The following BAALC variants were observed in gnomAD, a reference collection of about 807,000 sequenced individuals.
BAALC encodes brain and acute leukemia cytoplasmic protein.
In BAALC, 9 loss-of-function variants were observed where a neutral mutation model predicts 15.5. The observed-to-expected ratio is 0.58, with a 90% CI of 0.35 to 1.02. The LOEUF (loss-of-function observed/expected upper bound fraction) is 1.02, where lower values mean the gene tolerates loss of function less well. Among genes scored for constraint, BAALC ranks in the 50% least tolerant of loss-of-function variants. BAALC has a pLI of 0.02. For synonymous variants in BAALC, 80 were observed against 74.6 expected (o/e 1.07, Z -0.37); for missense variants, 201 against 192.4 (o/e 1.04, Z -0.27).
chr8:103,223,987 G>A lies in BAALC; in HGVS notation c.328-4002G>A, dbSNP rs915059950. 4.6e-5 allele frequency among the ~76,000 whole-genome samples: 7 copies of A among 152,126 alleles called. No individual in the cohort carries two copies. In the East Asian group the frequency reaches 5.8e-4, roughly 13 times the overall value. ...TCCTCAAAGCTATTTAGTGACACCC[G>A]GAATGGAAGTCAGATGGAATTGGTC... On this transcript the variant is annotated intron_variant, in intron 2 of 2. Transcript: ENST00000309982.
intron 1 of BAALC, among the ~76,000 whole-genome samples, chr8:103,206,198 T>G (rs1271534819): frequency 6.6e-6 from 1 of 152,142 alleles, no homozygotes; most frequent in Admixed American, 6.5e-5. Flanking sequence ...TCCCAGATTA[T>G]TTTAATAAAT....
intron 1 of BAALC, among the ~76,000 whole-genome samples, chr8:103,206,026 CAGTT>C (rs1411015055): frequency 3.3e-5 from 5 of 152,122 alleles, no homozygotes; most frequent in African/African-American, 1.2e-4. Context: ...TGAAGACACC[CAGTT>C]AAACTTTTAT....
At chr8:103,217,043 C>T (rs1455388012) in intron 2 of BAALC, among the ~76,000 whole-genome samples, 1 of 152,200 alleles carries the variant, frequency 6.6e-6, no homozygotes, top group South Asian at 2.1e-4. Flanking sequence ...GCAGTGGAAA[C>T]TGTCACAGAG....
intron 1 of BAALC, among the ~76,000 whole-genome samples, chr8:103,161,280 C>CT (rs34176566): frequency 0.25 from 37,483 of 149,232 alleles, 4,860 homozygotes; most frequent in Middle Eastern, 0.39. Flanking sequence ...TTTGGTTTAT[C>CT]TTTTTTTTTT....
At chr8:103,155,625 C>G (rs1811074742) in intron 1 of BAALC, among the ~76,000 whole-genome samples, 1 of 152,250 alleles carries the variant, frequency 6.6e-6, no homozygotes, top group African/African-American at 2.4e-5. Context: ...ACTCTCCTAG[C>G]AGCTGGAGAA....
At chr8:103,167,343 G>C (rs974770640) in intron 1 of BAALC, among the ~76,000 whole-genome samples, 2 of 152,182 alleles carry the variant, frequency 1.3e-5, no homozygotes, top group Admixed American at 1.3e-4. Flanking sequence ...GTCTAGAGCA[G>C]CGCTGTCCAG....
chr8:103,186,293 C>A (rs1028817412), intron 1 of BAALC, among the ~76,000 whole-genome samples: 1 of 152,116 alleles, frequency 6.6e-6, no homozygotes, highest in Non-Finnish European at 1.5e-5. Context: ...AATCATCCTG[C>A]GAGGAGGCAA....
intron 1 of BAALC, among the ~76,000 whole-genome samples, chr8:103,189,413 A>G (rs990945277): frequency 1.3e-5 from 2 of 152,272 alleles, no homozygotes; most frequent in Admixed American, 6.5e-5. Flanking sequence ...CTGAAATACT[A>G]AAACTCCCTT....
chr8:103,206,452 G>A (rs887172891), intron 1 of BAALC, among the ~76,000 whole-genome samples: 1 of 152,136 alleles, frequency 6.6e-6, no homozygotes, highest in Non-Finnish European at 1.5e-5. Flanking sequence ...CAACCTGCAA[G>A]GAGGAAGGAG....
chr8:103,202,350 A>T (rs911506896), intron 1 of BAALC, among the ~76,000 whole-genome samples: 1 of 152,212 alleles, frequency 6.6e-6, no homozygotes, highest in African/African-American at 2.4e-5. Context: ...ACACAGACAC[A>T]CTCAGAGGGA....
chr8:103,180,749 A>G (rs1811708189), intron 1 of BAALC, among the ~76,000 whole-genome samples: 1 of 152,204 alleles, frequency 6.6e-6, no homozygotes, highest in African/African-American at 2.4e-5. Flanking sequence ...CTTTCAGGCA[A>G]GGAGGAGAAC....
At chr8:103,208,565 TG>T (rs1812380301) in intron 1 of BAALC, 1 of 152,256 alleles carries the variant, frequency 6.6e-6, no homozygotes, top group Non-Finnish European at 1.5e-5. Context: ...CGGGGCCTGC[TG>T]GGCTCACAAG....
chr8:103,201,284 G>A (rs1812209896), intron 1 of BAALC, among the ~76,000 whole-genome samples: 1 of 152,146 alleles, frequency 6.6e-6, no homozygotes, highest in Non-Finnish European at 1.5e-5. Flanking sequence ...CCACCAGAGG[G>A]GCATTATGAT....
At chr8:103,216,642 A>G (rs1456824165) in intron 2 of BAALC, among the ~76,000 whole-genome samples, 2 of 152,000 alleles carry the variant, frequency 1.3e-5, no homozygotes, top group African/African-American at 4.8e-5. Flanking sequence ...TGCCCAGCCA[A>G]TTTGTTAATT....
chr8:103,176,475 AAAAG>A (rs1479108568), intron 1 of BAALC, among the ~76,000 whole-genome samples: 1 of 152,144 alleles, frequency 6.6e-6, no homozygotes, highest in Non-Finnish European at 1.5e-5. Flanking sequence ...TAAGAAAAAA[AAAAG>A]AGAGAGGAGA....
At chr8:103,157,016 A>T (rs913328606) in intron 1 of BAALC, 1 of 152,220 alleles carries the variant, frequency 6.6e-6, no homozygotes, top group African/African-American at 2.4e-5. Context: ...TCAAACGCTG[A>T]CTCTTCTTGG....
chr8:103,164,340 A>G (rs6468864), intron 1 of BAALC, among the ~76,000 whole-genome samples: 119,684 of 152,074 alleles, frequency 0.79, 47,370 homozygotes, highest in East Asian at 0.87. Context: ...GTGAGTGATG[A>G]GCAGGAGTTT....
intron 1 of BAALC, among the ~76,000 whole-genome samples, chr8:103,167,275 C>T (rs1811369509): frequency 6.6e-6 from 1 of 152,122 alleles, no homozygotes; most frequent in African/African-American, 2.4e-5. Flanking sequence ...TTTCAAAGTG[C>T]TAGACATAGT....
At position 103,151,313 on chromosome 8, in the gene BAALC, G is replaced by A. The variant is rs572732264; in HGVS notation, c.160+10256G>A. Among the ~76,000 whole-genome samples the A allele has an allele frequency of 4.6e-5, 7 of 152,266 alleles. No homozygotes were observed. In the South Asian group the frequency reaches 8.3e-4, roughly 18 times the overall value. ...ATTACAGGTGTGAGCCACCTCACCCGGCCTAGGAATTTGATTTTAACAACA... is the reference window on the plus strand; with the variant it reads ...ATTACAGGTGTGAGCCACCTCACCCAGCCTAGGAATTTGATTTTAACAACA... On this transcript the variant is annotated intron_variant, in intron 1 of 2. Coordinates refer to ENST00000309982, the MANE Select transcript of BAALC (RefSeq NM_024812.3).
Sources: gnomAD v4.1 joint callset for allele counts (sites outside exome capture counted in the v4.1 genomes callset) on GRCh38, gnomAD v4.1.1 for gene constraint, MANE v1.5 for transcripts, NCBI Gene and HGNC (gene_info 2026-07-23, HGNC 2026-07-21) for gene names.